ARHGAP24: variants seen among roughly 807,000 people sequenced by gnomAD.
The protein encoded by ARHGAP24 is rho GTPase-activating protein 24.
Under a neutral mutation model 76.4 loss-of-function variants are expected in ARHGAP24, and 50 were observed. The ratio of observed to expected loss-of-function variants is 0.65; its 90% CI spans 0.52 to 0.83. ARHGAP24 has a LOEUF of 0.83. ARHGAP24 is among the 40% of genes least tolerant of loss of function. The pLI, the probability that ARHGAP24 is intolerant of heterozygous loss-of-function variation, is 0.00. For synonymous variants in ARHGAP24, 345 were observed against 323.3 expected (o/e 1.07, Z -0.72); for missense variants, 930 against 914.2 (o/e 1.02, Z -0.22).
At chr4:85,611,604 T>G (rs1720384201) in intron 2 of ARHGAP24, among the ~76,000 whole-genome samples, 1 of 152,246 alleles carries the variant, frequency 6.6e-6, no homozygotes. Context: ...ACCTGCACTG[T>G]CCGACAGTAG....
At chr4:85,831,070 A>T (rs1350989093) in intron 3 of ARHGAP24, among the ~76,000 whole-genome samples, 1 of 152,182 alleles carries the variant, frequency 6.6e-6, no homozygotes, top group Non-Finnish European at 1.5e-5. Flanking sequence ...TACATATATA[A>T]TTCCTGCTAT....
At chr4:85,665,888 G>C (rs1195733530) in intron 2 of ARHGAP24, among the ~76,000 whole-genome samples, 2 of 152,216 alleles carry the variant, frequency 1.3e-5, no homozygotes, top group South Asian at 2.1e-4. Context: ...GAGATCTGCT[G>C]TTAGTCTGAT....
At chr4:85,612,945 C>G (rs1228001236) in intron 2 of ARHGAP24, among the ~76,000 whole-genome samples, 5 of 152,008 alleles carry the variant, frequency 3.3e-5, no homozygotes, top group Admixed American at 3.3e-4. Flanking sequence ...ACCACAGATA[C>G]ACTACCACAC....
chr4:85,886,162 C>A (rs958459320), intron 3 of ARHGAP24, among the ~76,000 whole-genome samples: 2 of 152,128 alleles, frequency 1.3e-5, no homozygotes, highest in Non-Finnish European at 2.9e-5. Flanking sequence ...TAATCTTTAA[C>A]AAACCATGTG....
At chr4:85,798,778 G>A (rs1728465121) in intron 3 of ARHGAP24, among the ~76,000 whole-genome samples, 1 of 152,118 alleles carries the variant, frequency 6.6e-6, no homozygotes, top group Non-Finnish European at 1.5e-5. Flanking sequence ...AGCAAATTGA[G>A]GGAGATTTTC....
At chr4:85,655,790 T>TAGAGAGAG (rs1351229097) in intron 2 of ARHGAP24, among the ~76,000 whole-genome samples, 82 of 50,114 alleles carry the variant, frequency 1.6e-3, no homozygotes, top group Admixed American at 2.3e-3. Flanking sequence ...TATATATATA[T>TAGAGAGAG]ATAGAGAGAG....
intron 1 of ARHGAP24, among the ~76,000 whole-genome samples, chr4:85,482,273 A>G (rs769365996): frequency 3.3e-4 from 50 of 152,214 alleles, no homozygotes; most frequent in Non-Finnish European, 5.9e-4. Context: ...ATTTTATATA[A>G]CATCATATAT....
intron 9 of ARHGAP24, among the ~76,000 whole-genome samples, chr4:85,999,539 T>G (rs764840995): frequency 4.6e-5 from 7 of 152,186 alleles, no homozygotes; most frequent in Non-Finnish European, 1.0e-4. Context: ...TGCATTAACC[T>G]TTCAAATTTC....
intron 1 of ARHGAP24, among the ~76,000 whole-genome samples, chr4:85,522,553 C>G (rs1724823358): frequency 6.6e-6 from 1 of 152,152 alleles, no homozygotes; most frequent in Non-Finnish European, 1.5e-5. Flanking sequence ...CATTTGTGAG[C>G]ATTCTTATTT....
chr4:85,628,736 A>G (rs1721060174), intron 2 of ARHGAP24, among the ~76,000 whole-genome samples: 1 of 152,220 alleles, frequency 6.6e-6, no homozygotes, highest in South Asian at 2.1e-4. Flanking sequence ...AATTGACCCT[A>G]TAATGACCTT....
chr4:85,932,502 T>C (rs1736393985), intron 4 of ARHGAP24, among the ~76,000 whole-genome samples: 1 of 149,316 alleles, frequency 6.7e-6, no homozygotes, highest in Non-Finnish European at 1.5e-5. Context: ...GTGAACACAC[T>C]GCTGTTCCCG....
At chr4:85,698,837 T>A (rs1442228970) in intron 2 of ARHGAP24, among the ~76,000 whole-genome samples, 1 of 152,050 alleles carries the variant, frequency 6.6e-6, no homozygotes, top group African/African-American at 2.4e-5. Context: ...ATGCTGGAGG[T>A]GGGGCTGGGC....
chr4:85,945,843 G>GTT (rs1475932634), intron 5 of ARHGAP24, among the ~76,000 whole-genome samples: 1 of 151,524 alleles, frequency 6.6e-6, no homozygotes, highest in African/African-American at 2.4e-5. Flanking sequence ...TAAATGTATA[G>GTT]TTTGTCCTTT....
intron 2 of ARHGAP24, among the ~76,000 whole-genome samples, chr4:85,643,194 A>C (rs1721588255): frequency 7.3e-6 from 1 of 136,514 alleles, no homozygotes; most frequent in South Asian, 2.7e-4. Flanking sequence ...ATACCCCTTA[A>C]CCTGGTTCTA....
intron 5 of ARHGAP24, among the ~76,000 whole-genome samples, chr4:85,962,688 C>T (rs1165650772): frequency 6.6e-6 from 1 of 151,610 alleles, no homozygotes; most frequent in African/African-American, 2.4e-5. Context: ...TTTAGGAAGT[C>T]ATGTTCCACA....
At chr4:85,721,861 T>C in intron 2 of ARHGAP24, 24 bp from the exon 3 acceptor site, 1 of 1,583,746 alleles carries the variant, frequency 6.3e-7, no homozygotes, top group Non-Finnish European at 8.7e-7. Context: ...ATGATGTTGA[T>C]GTTTTGGGTA....
intron 1 of ARHGAP24, among the ~76,000 whole-genome samples, chr4:85,554,837 ATTT>A (rs61380938): frequency 0.35 from 50,485 of 146,044 alleles, 9,709 homozygotes; most frequent in East Asian, 0.81. Flanking sequence ...CGCCCAGCTG[ATTT>A]TTTTTTTTTT....
chr4:85,743,780 C>T (rs144674632), intron 3 of ARHGAP24, among the ~76,000 whole-genome samples: 33 of 149,008 alleles, frequency 2.2e-4, no homozygotes, highest in African/African-American at 4.7e-4. Flanking sequence ...CAAGGAAACA[C>T]GCCAAAACTT....
At chr4:85,955,491 G>A (rs1361254423) in intron 5 of ARHGAP24, among the ~76,000 whole-genome samples, 1 of 152,208 alleles carries the variant, frequency 6.6e-6, no homozygotes, top group African/African-American at 2.4e-5. Flanking sequence ...ATTTAGGGAA[G>A]TATCTGTTTC....
Sources: gnomAD v4.1 joint callset for allele counts (sites outside exome capture counted in the v4.1 genomes callset) on GRCh38, gnomAD v4.1.1 for gene constraint, MANE v1.5 for transcripts, NCBI Gene and HGNC (gene_info 2026-07-23, HGNC 2026-07-21) for gene names.